CFAP299: variants seen among roughly 807,000 people sequenced by gnomAD.
CFAP299 encodes cilia and flagella associated protein 299, also known as cilia- and flagella-associated protein 299.
A neutral mutation model predicts 27.0 loss-of-function variants in CFAP299; 21 were observed. The ratio of observed to expected loss-of-function variants is 0.78; its 90% CI spans 0.55 to 1.12. The LOEUF (loss-of-function observed/expected upper bound fraction) is 1.12, where lower values mean the gene tolerates loss of function less well. Ranked by LOEUF, CFAP299 falls within the 50% of genes most tolerant of loss-of-function variation. The probability of loss-of-function intolerance (pLI) is 0.00; values close to 1 mark genes in which losing one functional copy is unlikely to be tolerated. For missense variants in CFAP299, 310 were observed against 276.6 expected (o/e 1.12, Z -0.86); for synonymous variants, 104 against 98.1 (o/e 1.06, Z -0.36).
At chr4:80,793,816 C>G (rs1171502302) in intron 3 of CFAP299, among the ~76,000 whole-genome samples, 1 of 152,134 alleles carries the variant, frequency 6.6e-6, no homozygotes, top group Non-Finnish European at 1.5e-5. Context: ...AGAGGAAATA[C>G]TCCTCATGAC....
chr4:80,943,542 T>C (rs907157409), intron 4 of CFAP299, among the ~76,000 whole-genome samples: 7 of 152,168 alleles, frequency 4.6e-5, no homozygotes, highest in African/African-American at 1.4e-4. Context: ...CACCCTGGTT[T>C]GTGTTATTTC....
chr4:80,606,432 G>T (rs1737679495), intron 3 of CFAP299, among the ~76,000 whole-genome samples: 1 of 152,054 alleles, frequency 6.6e-6, no homozygotes, highest in Non-Finnish European at 1.5e-5. Context: ...CTACTCGGGG[G>T]GCTGAGGCAG....
intron 2 of CFAP299, among the ~76,000 whole-genome samples, chr4:80,363,901 A>G (rs535170361): frequency 6.6e-6 from 1 of 152,172 alleles, no homozygotes; most frequent in East Asian, 1.9e-4. Flanking sequence ...ATCCTGGCTA[A>G]CACAGCAAAA....
At chr4:80,630,864 C>T (rs529571709) in intron 3 of CFAP299, among the ~76,000 whole-genome samples, 96 of 151,986 alleles carry the variant, frequency 6.3e-4, no homozygotes, top group Middle Eastern at 3.5e-3. Flanking sequence ...TTAAGAGTTA[C>T]GTTAACATAT....
intron 2 of CFAP299, among the ~76,000 whole-genome samples, chr4:80,559,568 A>C (rs148704951): frequency 6.6e-6 from 1 of 152,302 alleles, no homozygotes; most frequent in East Asian, 1.9e-4. Context: ...TAAAAGAGGC[A>C]TTGAAGAGAT....
chr4:80,647,557 G>T (rs986186029), intron 3 of CFAP299, among the ~76,000 whole-genome samples: 4 of 152,010 alleles, frequency 2.6e-5, no homozygotes, highest in Non-Finnish European at 4.4e-5. Context: ...GAAACCCACC[G>T]ACTGTGCCCA....
intron 2 of CFAP299, among the ~76,000 whole-genome samples, chr4:80,383,676 G>GA (rs1460771455): frequency 1.3e-5 from 2 of 152,012 alleles, no homozygotes; most frequent in Non-Finnish European, 2.9e-5. Flanking sequence ...TGCTGTTTAA[G>GA]AAAAAAGCAA....
At chr4:80,826,344 A>G (rs751355923) in intron 3 of CFAP299, among the ~76,000 whole-genome samples, 10 of 151,830 alleles carry the variant, frequency 6.6e-5, no homozygotes, top group Non-Finnish European at 1.5e-4. Context: ...AACAATTATC[A>G]AAAGGACAGA....
At chr4:80,691,988 G>A (rs996064994) in intron 3 of CFAP299, among the ~76,000 whole-genome samples, 5 of 151,938 alleles carry the variant, frequency 3.3e-5, no homozygotes, top group African/African-American at 1.2e-4. Flanking sequence ...AACTTACAAG[G>A]GATGTGAAGG....
intron 2 of CFAP299, among the ~76,000 whole-genome samples, chr4:80,459,137 G>A (rs551797981): frequency 3.3e-5 from 5 of 151,966 alleles, no homozygotes; most frequent in East Asian, 3.9e-4. Flanking sequence ...CATTATCACC[G>A]TGCCCTGGCT....
intron 4 of CFAP299, among the ~76,000 whole-genome samples, chr4:80,932,915 C>G (rs1736692354): frequency 6.6e-6 from 1 of 151,618 alleles, no homozygotes; most frequent in South Asian, 2.1e-4. Context: ...TACAGGCTGG[C>G]TACACAAAGA....
At chr4:80,597,375 C>T (rs140758604) in intron 3 of CFAP299, among the ~76,000 whole-genome samples, 26 of 152,220 alleles carry the variant, frequency 1.7e-4, no homozygotes, top group African/African-American at 6.3e-4. Flanking sequence ...TGAAAAGCGT[C>T]TATTCACATT....
the CFAP299 span, among the ~76,000 whole-genome samples, chr4:80,327,490 T>C: frequency 6.6e-6 from 1 of 151,730 alleles, no homozygotes; most frequent in Non-Finnish European, 1.5e-5. Context: ...CGATCTGATA[T>C]GCATTTTTAA....
At chr4:80,681,200 G>GA (rs1359149289) in intron 3 of CFAP299, among the ~76,000 whole-genome samples, 3 of 152,066 alleles carry the variant, frequency 2.0e-5, no homozygotes, top group Non-Finnish European at 4.4e-5. Flanking sequence ...TTATTGTTTT[G>GA]AAAAATAGCC....
chr4:80,705,105 A>G (rs1160930884), intron 3 of CFAP299, among the ~76,000 whole-genome samples: 3 of 151,814 alleles, frequency 2.0e-5, no homozygotes, highest in Non-Finnish European at 4.4e-5. Context: ...AGAGAAAAAC[A>G]CGACCTTCTC....
intron 2 of CFAP299, among the ~76,000 whole-genome samples, chr4:80,494,197 C>A (rs1201062559): frequency 6.6e-6 from 1 of 152,144 alleles, no homozygotes; most frequent in Admixed American, 6.6e-5. Flanking sequence ...AGATTCCTTT[C>A]TTTGTCACAT....
At chr4:80,632,424 A>G (rs573220935) in intron 3 of CFAP299, among the ~76,000 whole-genome samples, 2 of 152,138 alleles carry the variant, frequency 1.3e-5, no homozygotes, top group African/African-American at 2.4e-5. Context: ...AGTTAATTTG[A>G]TCATTCATTC....
At chr4:80,431,717 A>T (rs1727826319) in intron 2 of CFAP299, among the ~76,000 whole-genome samples, 1 of 152,154 alleles carries the variant, frequency 6.6e-6, no homozygotes, top group Admixed American at 6.6e-5. Context: ...ATCACAGAGA[A>T]GCCTCTTCAC....
At chr4:80,865,680 A>G (rs1057420877) in intron 3 of CFAP299, among the ~76,000 whole-genome samples, 2 of 152,084 alleles carry the variant, frequency 1.3e-5, no homozygotes, top group African/African-American at 4.8e-5. Context: ...CTTCTTAAAA[A>G]TCTTCCCAAG....
Sources: allele counts gnomAD v4.1 joint callset (sites outside exome capture counted in the v4.1 genomes callset), GRCh38; gene constraint gnomAD v4.1.1; transcripts MANE v1.5; gene names NCBI Gene and HGNC (gene_info 2026-07-23, HGNC 2026-07-21).